Variants in LARGE2 observed in about 807,000 individuals in gnomAD.
The protein encoded by LARGE2 is LARGE xylosyl- and glucuronyltransferase 2.
A neutral mutation model predicts 75.3 loss-of-function variants in LARGE2; 63 were observed. The observed-to-expected ratio is 0.84, with a 90% confidence interval of 0.68 to 1.03. The LOEUF (loss-of-function observed/expected upper bound fraction) is 1.03. Ranked by LOEUF, LARGE2 falls within the 50% of genes least tolerant of loss-of-function variation. The pLI is 0.00. For synonymous variants in LARGE2, 428 were observed against 420.1 expected (o/e 1.02, Z -0.23); for missense variants, 925 against 980.6 (o/e 0.94, Z 0.76).
At chr11:45,926,643 C>T in intron 9 of LARGE2, 46 bp downstream of exon 9, 1 of 1,612,748 alleles carries the variant, frequency 6.2e-7, no homozygotes, top group South Asian at 1.1e-5. Flanking sequence ...TTTGGTGGGA[C>T]CCAGCCTTGT....
chr11:45,922,978 G>T lies in LARGE2; in HGVS notation c.96G>T (p.Gly32=), dbSNP rs773542378. The change falls in exon 2 of 14, where the codon GGG becomes GGT. Residue 32 remains glycine, a synonymous_variant. Transcript: ENST00000401752. ...LGFLLFGGDL[G]CERREPGGRA... is the part of the protein sequence containing the mutation. ...TCCTCCTGTTCGGTGGGGACCTGGG[G>T]TGTGAGCGCCGCGAGCCTGGCGGGC... 1.9e-5 allele frequency: 25 copies of T among 1,338,738 alleles called. No individual in the cohort carries two copies. The highest frequency in any genetic ancestry group is 2.8e-4 in the Middle Eastern group (1 of 3,586). The allele number at this position is 1,338,738 out of a possible 1,614,324, so 82.9% of individuals were successfully genotyped here.
At chr11:45,923,408 C>T in intron 2 of LARGE2, 65 bp from the exon 3 acceptor site, 1 of 1,513,814 alleles carries the variant, frequency 6.6e-7, no homozygotes. Flanking sequence ...TGGGGCAGCT[C>T]AACATGGGTC....
Position 45,922,906 on chromosome 11 carries a change from G to C in LARGE2, c.24G>C (p.Arg8=). ...CCATGCTGCCCCGAGGGCGCCCCCG[G>C]GCGCTGGGGGCCGCCGCGCTGTTGC... MLPRGRP[R]ALGAAALLLL... Residue 8 remains arginine (R), a synonymous_variant, in exon 2 of 14, where the codon CGG becomes CGC. Coordinates refer to ENST00000401752, the MANE Select transcript of LARGE2 (RefSeq NM_001300721.2). 7.9e-7 allele frequency: 1 copy of C among 1,273,702 alleles called. No homozygotes were observed. The highest frequency in any genetic ancestry group is 3.1e-5 in the East Asian group (1 of 31,836). The allele number at this position is 1,273,702 out of a possible 1,614,324, so 78.9% of individuals were successfully genotyped here.
In LARGE2 at chr11:45,928,641, C is replaced by G; in HGVS notation, c.1962C>G (p.Leu654=). Residue 654 remains leucine (L), a synonymous_variant, in exon 14 of 14, where the codon CTC becomes CTG. Coordinates refer to ENST00000401752, the MANE Select transcript of LARGE2 (RefSeq NM_001300721.2). The part of the protein sequence containing the change: ...IVELDAQEYE[L]LVLPEAFTIH... ...GCCCCACCCTGCAGGAATATGAGCT[C>G]CTGGTGCTGCCCGAGGCCTTCACCA... 1 of 1,613,888 alleles carries G rather than the reference C, an allele frequency of 6.2e-7. No individual in the cohort carries two copies. Among genetic ancestry groups the G allele is most frequent in the Non-Finnish European group, 8.5e-7 (1 of 1,179,822 alleles).
Position 45,927,413 on chromosome 11 carries a change from T to C in LARGE2, c.1424T>C (p.Val475Ala). The C allele has an allele frequency of 6.2e-7, 1 of 1,614,200 alleles. No homozygotes were observed. The highest frequency in any genetic ancestry group is 8.5e-7 in the Non-Finnish European group (1 of 1,180,042). ...DAEAQQFLHFVEASPVLAARQ... is the reference protein window; with the variant it reads ...DAEAQQFLHFAEASPVLAARQ... Reference sequence around the variant, plus strand: ...GAAGCTCAGCAGTTCCTGCATTTCGTCGAGGCCTCACCAGTGCTTGCTGCC... The same window carrying C: ...GAAGCTCAGCAGTTCCTGCATTTCGCCGAGGCCTCACCAGTGCTTGCTGCC... The change falls in exon 11 of 14, where the codon GTC becomes GCC. Residue 475 changes from valine (V) to alanine (A), a missense_variant. Val to Ala is a moderately conservative substitution (Grantham distance 64). This residue lies in a region of LARGE2 where 469 missense variants were observed against 503.8 expected (regional missense o/e 0.93). Coordinates refer to ENST00000401752, the MANE Select transcript of LARGE2 (RefSeq NM_001300721.2).
At position 45,928,681 on chromosome 11, in the gene LARGE2, G is replaced by A. The variant is rs1048168058; in HGVS notation, c.2002G>A (p.Ala668Thr). The A allele has an allele frequency of 1.3e-5, 21 of 1,613,902 alleles. No homozygotes were observed. Among genetic ancestry groups the A allele is most frequent in the East Asian group, 4.5e-5 (2 of 44,890 alleles). The change falls in exon 14 of 14, where the codon GCT becomes ACT. Residue 668 changes from alanine (A) to threonine (T), a missense_variant. Ala to Thr is a moderately conservative substitution (Grantham distance 58, BLOSUM62 0). This residue lies in a region of LARGE2 where 469 missense variants were observed against 503.8 expected (regional missense o/e 0.93). Coordinates refer to ENST00000401752, the MANE Select transcript of LARGE2 (RefSeq NM_001300721.2). ...GGCCTTCACCATCCATCTGCCCCAC[G>A]CTCCAAGCCTGGACATCTCCCGCTT... ...PEAFTIHLPH[A>T]PSLDISRFRS... is the part of the protein sequence containing the mutation.
At chr11:45,922,127 G>T (rs541135453), upstream of LARGE2, among the ~76,000 whole-genome samples, 21 of 152,236 alleles carry the variant, frequency 1.4e-4, no homozygotes, top group Middle Eastern at 0.01. Flanking sequence ...TCACAAGGGC[G>T]CTTTGTCCTG....
rs1394006607 is a variant in LARGE2 at position 45,924,571 on chromosome 11, G to C, written c.558G>C (p.Leu186=). ...SGLYGLMKLV[L]PSALPAELAR... is the part of the protein sequence containing the mutation. ...TCTATGGGCTAATGAAGCTGGTGCT[G>C]CCCAGTGCCTTGCCTGCTGAGCTGG... The change falls in exon 5 of 14, where the codon CTG becomes CTC. Residue 186 remains leucine, a synonymous_variant. Coordinates refer to ENST00000401752, the MANE Select transcript of LARGE2 (RefSeq NM_001300721.2). 6.2e-7 allele frequency: 1 copy of C among 1,613,996 alleles called. No individual in the cohort carries two copies. The highest frequency in any genetic ancestry group is 1.7e-5 in the Admixed American group (1 of 60,032).
At position 45,928,779 on chromosome 11, in the gene LARGE2, C is replaced by T. The variant is rs2087399101; in HGVS notation, c.2100C>T (p.His700=). 6.2e-7 allele frequency: 1 copy of T among 1,613,860 alleles called. No homozygotes were observed. The highest frequency in any genetic ancestry group is 8.5e-7 in the Non-Finnish European group (1 of 1,180,050). ...AATTCCACCAGGACTTGTCCCGCCA[C>T]CATGGGGCTGCTGCCCTCAAATACC... ...KDEFHQDLSR[H]HGAAALKYLP... The change falls in exon 14 of 14, where the codon CAC becomes CAT. Residue 700 remains histidine, a synonymous_variant. Coordinates refer to ENST00000401752, the MANE Select transcript of LARGE2 (RefSeq NM_001300721.2).
At position 45,926,240 on chromosome 11, in the gene LARGE2, A is replaced by C. The variant is rs2087137554; in HGVS notation, c.901A>C (p.Ile301Leu). 6.2e-7 allele frequency: 1 copy of C among 1,614,136 alleles called. No individual in the cohort carries two copies. The highest frequency in any genetic ancestry group is 1.3e-5 in the African/African-American group (1 of 75,054). Residue 301 changes from isoleucine (I) to leucine (L), a missense_variant, in exon 8 of 14, where the codon ATC (isoleucine) becomes CTC (leucine). Ile to Leu is a conservative substitution (Grantham distance 5). This residue lies in a region of LARGE2 where 453 missense variants were observed against 460.2 expected (regional missense o/e 0.98). Transcript: ENST00000401752. ...TGCTCAGGACATCTTCAACGCTGTG[A>C]TCAAGGAGCACCCGGGGCTAGTGCA... is the stretch of plus-strand genomic sequence containing the variant. ...LADQDIFNAV[I>L]KEHPGLVQRL...
chr11:45,926,923 A>C (rs752472891), intron 10 of LARGE2, 52 bp downstream of exon 10: 10 of 1,529,716 alleles, frequency 6.5e-6, no homozygotes, highest in Non-Finnish European at 8.8e-6. Context: ...GGGGTTGGAC[A>C]CTTCTGAGAG....
In LARGE2 at chr11:45,922,693, C is replaced by A; in HGVS notation, c.-98C>A. 2.5e-6 allele frequency: 1 copy of A among 394,618 alleles called. No homozygotes were observed. The allele number at this position is 394,618 out of a possible 1,614,324, so 24.4% of individuals were successfully genotyped here. On this transcript the variant is annotated 5_prime_UTR_variant, in exon 1 of 14. Coordinates refer to ENST00000401752, the MANE Select transcript of LARGE2 (RefSeq NM_001300721.2). ...GTTCCCGCACCCTGGCCGGCGGCTG[C>A]GAGCGCAGGGCCCAGCCCGGGAGCC...
chr11:45,922,909 G>T lies in LARGE2; in HGVS notation c.27G>T (p.Ala9=), dbSNP rs2086973947. ...TGCTGCCCCGAGGGCGCCCCCGGGC[G>T]CTGGGGGCCGCCGCGCTGTTGCTGC... MLPRGRPR[A]LGAAALLLLL... Residue 9 remains alanine, a synonymous_variant, in exon 2 of 14, where the codon GCG becomes GCT. Coordinates refer to ENST00000401752, the MANE Select transcript of LARGE2 (RefSeq NM_001300721.2). The T allele has an allele frequency of 1.3e-5, 16 of 1,274,142 alleles. No individual in the cohort carries two copies. Among genetic ancestry groups the T allele is most frequent in the Non-Finnish European group, 1.6e-5 (16 of 1,014,814 alleles). 78.9% of individuals were successfully genotyped at this position (1,274,142 alleles called of 1,614,324 possible).
Position 45,926,065 on chromosome 11 carries a change from C to A in LARGE2, c.796C>A (p.Leu266Ile). 6.4e-7 allele frequency: 1 copy of A among 1,558,518 alleles called. No homozygotes were observed. The highest frequency in any genetic ancestry group is 8.7e-7 in the Non-Finnish European group (1 of 1,151,438). Residue 266 changes from leucine to isoleucine, a missense_variant, in exon 7 of 14, where the codon CTC (leucine) becomes ATC (isoleucine). This residue lies in a region of LARGE2 where 453 missense variants were observed against 460.2 expected (regional missense o/e 0.98). Transcript: ENST00000401752. Reference sequence around the variant, plus strand: ...TGTGATCCTGCTGCGGCTGGACCGGCTCCGGCAGGCTGGCTGGGAGCAGAT... The same window carrying A: ...TGTGATCCTGCTGCGGCTGGACCGGATCCGGCAGGCTGGCTGGGAGCAGAT... ...TGVILLRLDR[L>I]RQAGWEQMWR... is the part of the protein sequence containing the mutation.
Position 45,926,319 on chromosome 11 carries a change from G to C in LARGE2, c.980G>C (p.Arg327Pro). The C allele has an allele frequency of 3.7e-6, 6 of 1,614,174 alleles. No individual in the cohort carries two copies. The highest frequency in any genetic ancestry group is 5.1e-6 in the Non-Finnish European group (6 of 1,180,030). The change falls in exon 8 of 14, where the codon CGC becomes CCC. Residue 327 changes from arginine to proline, a missense_variant. Transcript: ENST00000401752. Reference protein sequence around the residue: ...VQLSDHTLAERCYSEASDLKV... With the variant: ...VQLSDHTLAEPCYSEASDLKV... ...CTGTCAGATCACACACTGGCCGAGCGCTGCTACTCTGAGGCGTCTGACCTC... is the reference window on the plus strand; with the variant it reads ...CTGTCAGATCACACACTGGCCGAGCCCTGCTACTCTGAGGCGTCTGACCTC...
At position 45,926,134 on chromosome 11, in the gene LARGE2, A is replaced by G. The variant is rs570055399; in HGVS notation, c.865A>G (p.Thr289Ala). ...GCGGGAGCTCCTTAGCCTGCCTGCCACCTCACTGGCTGACCAGGTCTGAGG... is the reference window on the plus strand; with the variant it reads ...GCGGGAGCTCCTTAGCCTGCCTGCCGCCTCACTGGCTGACCAGGTCTGAGG... ...ARRELLSLPATSLADQDIFNA... is the reference protein window; with the variant it reads ...ARRELLSLPAASLADQDIFNA... The change falls in exon 7 of 14, where the codon ACC becomes GCC. Residue 289 changes from threonine to alanine, a missense_variant. By Grantham distance (58) the Thr-to-Ala change is moderately conservative (BLOSUM62 0). Coordinates refer to ENST00000401752, the MANE Select transcript of LARGE2 (RefSeq NM_001300721.2). The G allele has an allele frequency of 9.9e-4, 1,569 of 1,582,474 alleles. 30 individuals are homozygous for G. In the South Asian group the frequency reaches 0.017, roughly 17 times the overall value.
intron 3 of LARGE2, 152 bp from the exon 4 acceptor site, chr11:45,924,002 A>G (rs113411002): frequency 8.4e-5 from 21 of 250,364 alleles, no homozygotes; most frequent in Middle Eastern, 1.1e-3. Flanking sequence ...AAAAAAAAAA[A>G]AAAAAAAAAA....
rs1220921843 is a variant in LARGE2 at position 45,929,032 on chromosome 11, T to C, written c.*187T>C. 2.8e-6 allele frequency: 2 copies of C among 705,854 alleles called. No homozygotes were observed. Among genetic ancestry groups the C allele is most frequent in the African/African-American group, 3.6e-5 (2 of 55,942 alleles). The allele number at this position is 705,854 out of a possible 1,614,324, so 43.7% of individuals were successfully genotyped here. On this transcript the variant is annotated 3_prime_UTR_variant, in exon 14 of 14. Transcript: ENST00000401752. Reference sequence around the variant, plus strand: ...ACTGGTCTCTCTCTGCCCCAGCCAGTTTGGGGCTGGTTCCCCCATCTTGAA... The same window carrying C: ...ACTGGTCTCTCTCTGCCCCAGCCAGCTTGGGGCTGGTTCCCCCATCTTGAA...
Position 45,928,079 on chromosome 11 carries a change from G to A in LARGE2, c.1754+10G>A. The A allele has an allele frequency of 6.2e-7, 1 of 1,613,428 alleles. No individual in the cohort carries two copies. Among genetic ancestry groups the A allele is most frequent in the East Asian group, 2.2e-5 (1 of 44,876 alleles). On this transcript the variant is annotated intron_variant, in intron 12 of 13. Coordinates refer to ENST00000401752, the MANE Select transcript of LARGE2 (RefSeq NM_001300721.2). Reference sequence around the variant, plus strand: ...CTCTCTACACCTTCAGGTAGGAGAGGCTACTTCTCTGCCCACTCCACTCAC... The same window carrying A: ...CTCTCTACACCTTCAGGTAGGAGAGACTACTTCTCTGCCCACTCCACTCAC...
Sources: gnomAD v4.1 joint callset for allele counts (sites outside exome capture counted in the v4.1 genomes callset) on GRCh38, gnomAD v4.1.1 for gene constraint, gnomAD v4.1.1 regional missense constraint, MANE v1.5 for transcripts, NCBI Gene and HGNC (gene_info 2026-07-23, HGNC 2026-07-21) for gene names.